The following SRBD1 variants were observed in gnomAD, a reference collection of about 807,000 sequenced individuals.
The protein encoded by SRBD1 is S1 RNA binding domain 1.
Under a neutral mutation model 115.3 loss-of-function variants are expected in SRBD1, and 88 were observed. The ratio of observed to expected loss-of-function variants is 0.76; its 90% confidence interval spans 0.64 to 0.91. The LOEUF (loss-of-function observed/expected upper bound fraction) is 0.91, where lower values mean the gene tolerates loss of function less well. Ranked by LOEUF, SRBD1 falls within the 40% of genes least tolerant of loss-of-function variation. The probability of loss-of-function intolerance (pLI) is 0.00; values close to 1 mark genes in which losing one functional copy is unlikely to be tolerated. For synonymous variants in SRBD1, 509 were observed against 407.7 expected (o/e 1.25, Z -2.99); for missense variants, 1,385 against 1,177.4 (o/e 1.18, Z -2.58).
intron 7 of SRBD1, among the ~76,000 whole-genome samples, chr2:45,577,799 AAG>A (rs1673226416): frequency 6.6e-6 from 1 of 152,174 alleles, no homozygotes; most frequent in Non-Finnish European, 1.5e-5. Context: ...GACAAAGAGA[AAG>A]AGAAAACATT....
chr2:45,444,853 C>T lies in SRBD1; in HGVS notation c.2050-24959G>A, dbSNP rs965292449. On this transcript the variant is annotated intron_variant, in intron 16 of 20. Transcript: ENST00000263736. Reference sequence around the variant, plus strand: ...AGCCTCTGGCCCTGTGACCACTCAACGTTCATTCAGCAAAGGCAACCTTCT... The same window carrying T: ...AGCCTCTGGCCCTGTGACCACTCAATGTTCATTCAGCAAAGGCAACCTTCT... 7.9e-5 allele frequency among the ~76,000 whole-genome samples: 12 copies of T among 152,300 alleles called. No homozygotes were observed. In the East Asian group the frequency reaches 1.5e-3, roughly 20 times the overall value.
chr2:45,465,218 G>T (rs977159172), intron 16 of SRBD1, among the ~76,000 whole-genome samples: 5 of 151,882 alleles, frequency 3.3e-5, no homozygotes, highest in Admixed American at 3.3e-4. Flanking sequence ...TACCTAATAC[G>T]GTGTAAAGGC....
chr2:45,425,986 G>C (rs1276963003), intron 16 of SRBD1, among the ~76,000 whole-genome samples: 1 of 151,984 alleles, frequency 6.6e-6, no homozygotes, highest in Non-Finnish European at 1.5e-5. Context: ...TGTCTGGAAT[G>C]CCAGTGAGAC....
intron 14 of SRBD1, among the ~76,000 whole-genome samples, chr2:45,524,045 T>G (rs1307040371): frequency 6.6e-6 from 1 of 151,788 alleles, no homozygotes; most frequent in African/African-American, 2.4e-5. Context: ...TCAACAAAAT[T>G]AAAAACAAAA....
At chr2:45,532,427 C>T (rs964315403) in intron 14 of SRBD1, among the ~76,000 whole-genome samples, 2 of 151,758 alleles carry the variant, frequency 1.3e-5, no homozygotes, top group African/African-American at 2.4e-5. Flanking sequence ...CCCAAGGTCA[C>T]GTCTAGAATT....
intron 19 of SRBD1, among the ~76,000 whole-genome samples, chr2:45,395,748 C>CTCTACCT (rs1422477756): frequency 6.6e-6 from 1 of 152,142 alleles, no homozygotes; most frequent in African/African-American, 2.4e-5. Flanking sequence ...TTAGACTGAC[C>CTCTACCT]TCTACCTTAA....
chr2:45,428,235 C>T lies in SRBD1; in HGVS notation c.2050-8341G>A, dbSNP rs568151254. Among the ~76,000 whole-genome samples, 7 of 152,194 alleles carry T rather than the reference C, an allele frequency of 4.6e-5. No homozygotes were observed. In the South Asian group the frequency reaches 1.5e-3, roughly 32 times the overall value. The stretch of plus-strand genomic sequence containing the variant: ...ACAACTACATGGAAACTGAACAACC[C>T]GCTCCTGAATGACTACTGGATAAAT... On this transcript the variant is annotated intron_variant, in intron 16 of 20. Transcript: ENST00000263736.
intron 9 of SRBD1, among the ~76,000 whole-genome samples, chr2:45,568,361 T>A (rs1460163670): frequency 6.6e-6 from 1 of 152,202 alleles, no homozygotes; most frequent in Non-Finnish European, 1.5e-5. Context: ...CTGTGTTCTG[T>A]GATACTGTGC....
At chr2:45,431,793 C>CA (rs981674414) in intron 16 of SRBD1, among the ~76,000 whole-genome samples, 15 of 151,790 alleles carry the variant, frequency 9.9e-5, no homozygotes, top group African/African-American at 3.4e-4. Context: ...AAAACAAAAA[C>CA]AAACCAGTAG....
At chr2:45,515,241 ATGTG>A (rs1671083948) in intron 14 of SRBD1, among the ~76,000 whole-genome samples, 1 of 152,162 alleles carries the variant, frequency 6.6e-6, no homozygotes, top group Non-Finnish European at 1.5e-5. Flanking sequence ...GTTATCCTAC[ATGTG>A]TATTAATTTC....
At chr2:45,421,638 G>A (rs1158438334) in intron 16 of SRBD1, among the ~76,000 whole-genome samples, 2 of 147,820 alleles carry the variant, frequency 1.4e-5, no homozygotes, top group African/African-American at 2.5e-5. Context: ...GAATACATTC[G>A]CTATTACTCA....
At chr2:45,436,798 G>A (rs1668512657) in intron 16 of SRBD1, among the ~76,000 whole-genome samples, 1 of 152,022 alleles carries the variant, frequency 6.6e-6, no homozygotes, top group African/African-American at 2.4e-5. Context: ...GGGGACACAA[G>A]GCCTAACCTT....
chr2:45,562,376 A>G (rs1266226968), intron 10 of SRBD1, among the ~76,000 whole-genome samples: 4 of 151,964 alleles, frequency 2.6e-5, no homozygotes, highest in African/African-American at 9.7e-5. Flanking sequence ...ACAGGTGTGC[A>G]CCACCATGCC....
intron 15 of SRBD1, among the ~76,000 whole-genome samples, chr2:45,487,274 T>C (rs1670150456): frequency 6.6e-6 from 1 of 152,214 alleles, no homozygotes. Context: ...AATATTCACT[T>C]ATTATACAGA....
chr2:45,454,989 T>C (rs1048839373), intron 16 of SRBD1, among the ~76,000 whole-genome samples: 2 of 151,762 alleles, frequency 1.3e-5, no homozygotes, highest in Non-Finnish European at 3.0e-5. Flanking sequence ...TGGGTAAATA[T>C]TATGTAGCTC....
intron 14 of SRBD1, among the ~76,000 whole-genome samples, chr2:45,489,892 T>C (rs1670241670): frequency 6.6e-6 from 1 of 152,100 alleles, no homozygotes; most frequent in African/African-American, 2.4e-5. Context: ...CGCAACATAT[T>C]TTTCTAAGGA....
intron 14 of SRBD1, among the ~76,000 whole-genome samples, chr2:45,533,069 C>A (rs1671662525): frequency 6.6e-6 from 1 of 151,910 alleles, no homozygotes; most frequent in African/African-American, 2.4e-5. Flanking sequence ...AACGTGTTGG[C>A]CAAAGGTGAG....
At chr2:45,483,800 T>G (rs182477840) in intron 15 of SRBD1, among the ~76,000 whole-genome samples, 151 of 152,230 alleles carry the variant, frequency 9.9e-4, no homozygotes, top group Non-Finnish European at 1.5e-3. Flanking sequence ...CTATAATGCT[T>G]ATTAAAATGT....
rs78998398 is a variant in SRBD1 at position 45,551,562 on chromosome 2, T to C, written c.1518-280A>G. 7.1e-3 allele frequency among the ~76,000 whole-genome samples: 1,080 copies of C among 152,236 alleles called. 14 individuals are homozygous for C. Among genetic ancestry groups the C allele is most frequent in the African/African-American group, 0.025 (1,028 of 41,528 alleles). ...TATAAAACCCATATTTATAAATATG[T>C]GTATATGTGAGAAAGACAGAGAGTG... On this transcript the variant is annotated intron_variant, in intron 11 of 20. Transcript: ENST00000263736.
Sources: gnomAD v4.1 joint callset for allele counts (sites outside exome capture counted in the v4.1 genomes callset) on GRCh38, gnomAD v4.1.1 for gene constraint, MANE v1.5 for transcripts, NCBI Gene and HGNC (gene_info 2026-07-23, HGNC 2026-07-21) for gene names.